Variants in FHIT observed in about 807,000 individuals in gnomAD.
FHIT encodes the protein bis(5'-adenosyl)-triphosphatase.
In FHIT, 19 loss-of-function variants were observed where a neutral mutation model predicts 17.9. The ratio of observed to expected loss-of-function variants is 1.06; its 90% confidence interval spans 0.74 to 1.56. The LOEUF is 1.56. Ranked by LOEUF, FHIT falls within the 40% of genes most tolerant of loss-of-function variation. The pLI is 0.00. For synonymous variants in FHIT, 81 were observed against 69.7 expected, an observed-to-expected ratio of 1.16 and a Z score of -0.81; for missense variants, 248 against 189.2, an observed-to-expected ratio of 1.31 and a Z score of -1.82.
At position 60,728,770 on chromosome 3, in the gene FHIT, C is replaced by T. The variant is rs185380384; in HGVS notation, c.-18+93149G>A. ...AGTTGTCCTAAGGTGAAACAATCAC[C>T]TCATCAACAAAGTGTCATAGGTGTT... On this transcript the variant is annotated intron_variant, in intron 4 of 9. Transcript: ENST00000492590. Among the ~76,000 whole-genome samples, 416 of 151,984 alleles carry T rather than the reference C, an allele frequency of 2.7e-3. 1 individual carries two copies. Among genetic ancestry groups the T allele is most frequent in the Middle Eastern group, 3.4e-3 (1 of 292 alleles).
At chr3:59,776,800 G>A (rs1339600750) in intron 8 of FHIT, among the ~76,000 whole-genome samples, 1 of 152,158 alleles carries the variant, frequency 6.6e-6, no homozygotes, top group African/African-American at 2.4e-5. Context: ...ACAGCCCTTT[G>A]TGGTATTAAT....
chr3:60,915,055 T>A (rs782667527), intron 3 of FHIT, among the ~76,000 whole-genome samples: 3 of 152,206 alleles, frequency 2.0e-5, no homozygotes, highest in Non-Finnish European at 4.4e-5. Flanking sequence ...GAACACTTGT[T>A]TTTTTACAGA....
chr3:60,938,494 G>A (rs1303887696), intron 3 of FHIT, among the ~76,000 whole-genome samples: 1 of 152,188 alleles, frequency 6.6e-6, no homozygotes, highest in Non-Finnish European at 1.5e-5. Context: ...TCTACGATTT[G>A]CAGTATAGCT....
intron 8 of FHIT, among the ~76,000 whole-genome samples, chr3:59,890,415 G>C (rs1703804969): frequency 6.6e-6 from 1 of 152,174 alleles, no homozygotes; most frequent in Non-Finnish European, 1.5e-5. Context: ...GGCTGCCCGT[G>C]AAACTTCTGG....
intron 4 of FHIT, among the ~76,000 whole-genome samples, chr3:60,815,474 C>G (rs145940434): frequency 6.6e-6 from 1 of 152,082 alleles, no homozygotes; most frequent in Non-Finnish European, 1.5e-5. Flanking sequence ...GTTATCCCAG[C>G]GCCATTTATT....
At chr3:59,907,921 T>G (rs548552113) in intron 8 of FHIT, among the ~76,000 whole-genome samples, 1 of 152,204 alleles carries the variant, frequency 6.6e-6, no homozygotes, top group African/African-American at 2.4e-5. Context: ...TTTAAGGCCA[T>G]TGATGGCCAG....
At chr3:60,473,151 A>G (rs1030273928) in intron 5 of FHIT, among the ~76,000 whole-genome samples, 5 of 152,228 alleles carry the variant, frequency 3.3e-5, no homozygotes, top group Non-Finnish European at 7.3e-5. Context: ...ACAAATAGGT[A>G]TATGCACTTG....
chr3:60,162,345 A>C (rs34220971), intron 5 of FHIT, among the ~76,000 whole-genome samples: 41,919 of 152,182 alleles, frequency 0.28, 6,840 homozygotes, highest in Middle Eastern at 0.38. Flanking sequence ...TAAGTCCTTT[A>C]TTACAGAAGA....
chr3:60,452,372 G>C (rs775904023), intron 5 of FHIT, among the ~76,000 whole-genome samples: 1 of 152,124 alleles, frequency 6.6e-6, no homozygotes, highest in Non-Finnish European at 1.5e-5. Flanking sequence ...TGAAAGGTTA[G>C]GACCAGAGAG....
At position 59,796,243 on chromosome 3, in the gene FHIT, A is replaced by G. The variant is rs541004010; in HGVS notation, c.349-43922T>C. Among the ~76,000 whole-genome samples, 222 of 152,224 alleles carry G rather than the reference A, an allele frequency of 1.5e-3. 1 individual carries two copies. The highest frequency in any genetic ancestry group is 5.2e-3 in the African/African-American group (218 of 41,534). On this transcript the variant is annotated intron_variant, in intron 8 of 9. Coordinates refer to ENST00000492590, the MANE Select transcript of FHIT (RefSeq NM_002012.4). Reference sequence around the variant, plus strand: ...CATCTCCTCTAATGGTGCCCAGTACAATGAGAATGAAATGCAAATCCCTTA... The same window carrying G: ...CATCTCCTCTAATGGTGCCCAGTACGATGAGAATGAAATGCAAATCCCTTA...
intron 4 of FHIT, among the ~76,000 whole-genome samples, chr3:60,665,004 C>T (rs1398218400): frequency 1.3e-5 from 2 of 151,678 alleles, no homozygotes; most frequent in East Asian, 1.9e-4. Flanking sequence ...CTTGCTTTTA[C>T]TTTATTTTTC....
chr3:60,606,961 G>C (rs2038628067), intron 4 of FHIT, among the ~76,000 whole-genome samples: 1 of 152,042 alleles, frequency 6.6e-6, no homozygotes, highest in Non-Finnish European at 1.5e-5. Context: ...CTCTGATTCT[G>C]CTTGAATCCT....
chr3:60,474,370 A>T (rs1398805670), intron 5 of FHIT, among the ~76,000 whole-genome samples: 6 of 152,226 alleles, frequency 3.9e-5, no homozygotes, highest in African/African-American at 1.4e-4. Context: ...AGCAACAGAG[A>T]ATAGATGAAG....
intron 4 of FHIT, among the ~76,000 whole-genome samples, chr3:60,618,756 C>T (rs13093294): frequency 0.11 from 17,160 of 151,978 alleles, 1,170 homozygotes; most frequent in Non-Finnish European, 0.15. Context: ...CTGAGTGGAC[C>T]TAATATAATG....
intron 8 of FHIT, among the ~76,000 whole-genome samples, chr3:59,920,390 A>T (rs890370334): frequency 1.3e-5 from 2 of 152,222 alleles, no homozygotes; most frequent in Non-Finnish European, 2.9e-5. Flanking sequence ...TTCTCCTGAG[A>T]TGATCCTCCA....
intron 8 of FHIT, among the ~76,000 whole-genome samples, chr3:59,863,200 C>T (rs953863804): frequency 6.6e-6 from 1 of 152,192 alleles, no homozygotes; most frequent in Non-Finnish European, 1.5e-5. Context: ...CCCTCTCAGC[C>T]CCAGCCACTC....
intron 7 of FHIT, among the ~76,000 whole-genome samples, chr3:59,947,672 G>A (rs1172952897): frequency 6.6e-6 from 1 of 152,112 alleles, no homozygotes; most frequent in Non-Finnish European, 1.5e-5. Flanking sequence ...CAGTCCCCCA[G>A]CTTTGTTCTC....
At chr3:60,958,043 T>C (rs1317971090) in intron 3 of FHIT, among the ~76,000 whole-genome samples, 1 of 152,248 alleles carries the variant, frequency 6.6e-6, no homozygotes, top group Non-Finnish European at 1.5e-5. Flanking sequence ...TTAAAAATTT[T>C]CAACAAAACA....
chr3:60,652,948 C>G (rs1288198101), intron 4 of FHIT, among the ~76,000 whole-genome samples: 1 of 150,906 alleles, frequency 6.6e-6, no homozygotes, highest in Non-Finnish European at 1.5e-5. Context: ...CAAAACAAAA[C>G]AAAACAAAAC....
Sources: gnomAD v4.1 joint callset for allele counts (sites outside exome capture counted in the v4.1 genomes callset) on GRCh38, gnomAD v4.1.1 for gene constraint, MANE v1.5 for transcripts, NCBI Gene and HGNC (gene_info 2026-07-23, HGNC 2026-07-21) for gene names.